LCORL: variants seen among roughly 807,000 people sequenced by gnomAD.
LCORL encodes ligand dependent nuclear receptor corepressor like.
Under a neutral mutation model 141.8 loss-of-function variants are expected in LCORL, and 41 were observed. The observed-to-expected ratio is 0.29, with a 90% CI of 0.23 to 0.38. LCORL has a LOEUF of 0.38. Ranked by LOEUF, LCORL falls within the 10% of genes least tolerant of loss-of-function variation. The pLI, the probability that LCORL is intolerant of heterozygous loss-of-function variation, is 1.00. For synonymous variants in LCORL, 618 were observed against 694.1 expected (o/e 0.89, Z 1.72); for missense variants, 1,759 against 2,035.0 (o/e 0.86, Z 2.61).
At chr4:17,970,373 A>G (rs1715694110) in intron 2 of LCORL, among the ~76,000 whole-genome samples, 1 of 152,218 alleles carries the variant, frequency 6.6e-6, no homozygotes, top group Non-Finnish European at 1.5e-5. Flanking sequence ...GTGGTATTGC[A>G]ATTACATCAC....
chr4:17,911,301 C>T (rs796859233), intron 4 of LCORL, among the ~76,000 whole-genome samples: 11 of 151,540 alleles, frequency 7.3e-5, no homozygotes, highest in East Asian at 1.9e-4. Flanking sequence ...AGTAAAAGTA[C>T]GAGGGGTCTT....
At chr4:17,892,137 A>G (rs1560298641) in intron 5 of LCORL, among the ~76,000 whole-genome samples, 1 of 151,820 alleles carries the variant, frequency 6.6e-6, no homozygotes, top group South Asian at 2.1e-4. Flanking sequence ...AGAGTAGCAC[A>G]TTATTCCAGC....
chr4:17,845,651 T>TTGA, exon 8 of LCORL: 1 of 1,103,278 alleles, frequency 9.1e-7, no homozygotes, highest in East Asian at 2.4e-5. Flanking sequence ...TCAAGATCAA[T>TTGA]TGATAAATGC....
chr4:17,973,637 T>C (rs1247907055), intron 1 of LCORL, among the ~76,000 whole-genome samples: 1 of 151,774 alleles, frequency 6.6e-6, no homozygotes, highest in Admixed American at 6.6e-5. Flanking sequence ...AAGGAAATAA[T>C]GTAAGCCGTG....
At chr4:17,901,449 T>G (rs1233889029) in intron 5 of LCORL, among the ~76,000 whole-genome samples, 1 of 151,150 alleles carries the variant, frequency 6.6e-6, no homozygotes, top group Admixed American at 6.6e-5. Context: ...AAGGAATGTC[T>G]GATCCCAGAA....
intron 1 of LCORL, among the ~76,000 whole-genome samples, chr4:18,009,705 G>C (rs958302114): frequency 6.6e-6 from 1 of 152,076 alleles, no homozygotes; most frequent in Non-Finnish European, 1.5e-5. Flanking sequence ...TGTCCTCCTT[G>C]CTGGGACCAG....
intron 7 of LCORL, among the ~76,000 whole-genome samples, chr4:17,852,204 T>A (rs993780645): frequency 1.3e-5 from 2 of 152,176 alleles, no homozygotes; most frequent in Non-Finnish European, 2.9e-5. Flanking sequence ...TTAAGTCATC[T>A]GAGAAAGTGA....
At position 17,884,310 on chromosome 4, in the gene LCORL, T is replaced by C. The variant is rs1177036903; in HGVS notation, c.776+1758A>G. 22 of 1,549,160 alleles carry C rather than the reference T, an allele frequency of 1.4e-5. No homozygotes were observed. The highest frequency in any genetic ancestry group is 1.7e-4 in the Middle Eastern group (1 of 5,958). ...GGAATTTTTAACTGTACAGTAGGAT[T>C]TGAAGTTTCATATTGGAGGCTTTCA... On this transcript the variant is annotated intron_variant, in intron 6 of 7. Coordinates refer to ENST00000635767, the Ensembl canonical transcript of LCORL. The surrounding 1 kb of genome is among the most constrained non-coding windows in gnomAD (Gnocchi z 4.4).
At chr4:17,966,184 T>G (rs973099872) in intron 2 of LCORL, among the ~76,000 whole-genome samples, 16 of 152,224 alleles carry the variant, frequency 1.1e-4, no homozygotes, top group African/African-American at 3.8e-4. Context: ...CTAGTTTATA[T>G]TTTATGCCGC....
At chr4:17,886,781 A>G (rs1351627755) in intron 5 of LCORL, among the ~76,000 whole-genome samples, 1 of 152,110 alleles carries the variant, frequency 6.6e-6, no homozygotes, top group Non-Finnish European at 1.5e-5. Context: ...GCAACTTTAG[A>G]AAAATAATGT....
chr4:18,010,866 A>G (rs1723652446), intron 1 of LCORL, among the ~76,000 whole-genome samples: 1 of 152,202 alleles, frequency 6.6e-6, no homozygotes, highest in Non-Finnish European at 1.5e-5. Context: ...AAAAATTAAC[A>G]GCCATGATTG....
At chr4:17,890,768 T>G (rs1342295257) in intron 5 of LCORL, among the ~76,000 whole-genome samples, 1 of 152,138 alleles carries the variant, frequency 6.6e-6, no homozygotes, top group Non-Finnish European at 1.5e-5. Flanking sequence ...TAAACTGACG[T>G]TTCAAAAATT....
intron 2 of LCORL, among the ~76,000 whole-genome samples, chr4:17,971,213 C>A (rs1363359714): frequency 6.6e-6 from 1 of 151,986 alleles, no homozygotes; most frequent in South Asian, 2.1e-4. Flanking sequence ...TCAAATATAA[C>A]CACGACAAAC....
intron 5 of LCORL, among the ~76,000 whole-genome samples, chr4:17,900,007 C>T (rs904145213): frequency 6.6e-5 from 10 of 152,052 alleles, no homozygotes; most frequent in Non-Finnish European, 1.0e-4. Context: ...TGGTCCCAAG[C>T]ATTTCAGATA....
chr4:17,886,365 T>C (rs1206029749), intron 5 of LCORL, among the ~76,000 whole-genome samples: 2 of 151,988 alleles, frequency 1.3e-5, no homozygotes, highest in Non-Finnish European at 2.9e-5. Flanking sequence ...GGAGCTGGCA[T>C]TGCCAGGTGA....
intron 7 of LCORL, among the ~76,000 whole-genome samples, chr4:17,855,574 C>T (rs1307941796): frequency 6.6e-6 from 1 of 152,078 alleles, no homozygotes; most frequent in African/African-American, 2.4e-5. Flanking sequence ...TTTCTTTGCC[C>T]TATAATTTTG....
chr4:17,992,734 G>A (rs1720242670), intron 1 of LCORL, among the ~76,000 whole-genome samples: 1 of 152,174 alleles, frequency 6.6e-6, no homozygotes, highest in African/African-American at 2.4e-5. Context: ...CTAGTGAAGT[G>A]CTTCTTTACT....
Position 17,843,507 on chromosome 4 carries a change from A to G in LCORL, c.*2381T>C, listed in dbSNP as rs114918458. On this transcript the variant is annotated 3_prime_UTR_variant, in exon 8 of 8. Transcript: ENST00000635767. ...AGAAGAAGTTACCCTTGTCAAAATC[A>G]GAACAAACCTGATGTCTTTCTGAAG... The G allele has an allele frequency of 1.5e-4, 217 of 1,479,606 alleles. No homozygotes were observed. The African/African-American group carries it at 2.8e-3, about 19-fold the overall frequency. The allele number at this position is 1,479,606 out of a possible 1,614,324, so 91.7% of individuals were successfully genotyped here. A position where few individuals can be genotyped will look rare whatever the true frequency, so the allele number is the denominator to read the frequency against.
At chr4:18,002,082 C>G (rs1722065258) in intron 1 of LCORL, among the ~76,000 whole-genome samples, 1 of 152,094 alleles carries the variant, frequency 6.6e-6, no homozygotes, top group Admixed American at 6.6e-5. Flanking sequence ...CTGACAAATA[C>G]TGTAACACTA....
Sources: allele counts gnomAD v4.1 joint callset (sites outside exome capture counted in the v4.1 genomes callset), GRCh38; gene constraint gnomAD v4.1.1; non-coding constraint Gnocchi (gnomAD v3.1); transcripts MANE v1.5; gene names NCBI Gene and HGNC (gene_info 2026-07-23, HGNC 2026-07-21).